AGBL1: variants seen among roughly 807,000 people sequenced by gnomAD.
AGBL1 encodes AGBL carboxypeptidase 1, also known as cytosolic carboxypeptidase 4.
In AGBL1, 130 loss-of-function variants were observed where a neutral mutation model predicts 118.9. The ratio of observed to expected loss-of-function variants is 1.09; its 90% CI spans 0.95 to 1.26. The LOEUF is 1.26. AGBL1 is among the 50% of genes most tolerant of loss of function. The pLI is 0.00. For synonymous variants in AGBL1, 555 were observed against 478.9 expected, an observed-to-expected ratio of 1.16 and a Z score of -2.08; for missense variants, 1,584 against 1,298.1, an observed-to-expected ratio of 1.22 and a Z score of -3.38.
At chr15:86,747,815 T>A (rs540922864) in intron 22 of AGBL1, among the ~76,000 whole-genome samples, 1 of 152,320 alleles carries the variant, frequency 6.6e-6, no homozygotes, top group South Asian at 2.1e-4. Context: ...AACTCATCAT[T>A]TTTTATGGCT....
At chr15:86,191,569 C>T (rs920427451) in intron 5 of AGBL1, among the ~76,000 whole-genome samples, 3 of 151,974 alleles carry the variant, frequency 2.0e-5, no homozygotes, top group African/African-American at 7.3e-5. Context: ...AGGGATGATG[C>T]TGTTATCAAG....
At chr15:86,083,674 C>T (rs1020651851) in intron 1 of AGBL1, 2 of 152,166 alleles carry the variant, frequency 1.3e-5, no homozygotes, top group African/African-American at 2.4e-5. Context: ...TGGACTTGAT[C>T]CTCCAGGGAT....
chr15:86,638,432 G>T (rs577755199), intron 21 of AGBL1, among the ~76,000 whole-genome samples: 1 of 152,146 alleles, frequency 6.6e-6, no homozygotes, highest in African/African-American at 2.4e-5. Context: ...TGGGTGCCGC[G>T]TTCAGGCTGC....
intron 18 of AGBL1, among the ~76,000 whole-genome samples, chr15:86,455,235 T>C (rs776971269): frequency 2.1e-4 from 32 of 152,260 alleles, no homozygotes; most frequent in Non-Finnish European, 4.0e-4. Flanking sequence ...GCCTGGTACA[T>C]AGGAGGCACA....
At chr15:86,609,341 G>A in intron 21 of AGBL1, among the ~76,000 whole-genome samples, 1 of 152,190 alleles carries the variant, frequency 6.6e-6, no homozygotes, top group East Asian at 1.9e-4. Flanking sequence ...CTAGGTTGCT[G>A]AGACTCAAAG....
At chr15:86,699,576 T>A (rs2086321204) in intron 22 of AGBL1, among the ~76,000 whole-genome samples, 2 of 110,222 alleles carry the variant, frequency 1.8e-5, no homozygotes, top group South Asian at 6.6e-4. Flanking sequence ...TTAAAAGATT[T>A]TAGTCAGTTA....
At chr15:86,993,986 C>T (rs954752640) in intron 24 of AGBL1, among the ~76,000 whole-genome samples, 1 of 152,028 alleles carries the variant, frequency 6.6e-6, no homozygotes, top group East Asian at 1.9e-4. Context: ...CTGCCAAACC[C>T]CAAAGTGACG....
At chr15:86,665,757 CAAAAT>C (rs2085633230) in intron 21 of AGBL1, among the ~76,000 whole-genome samples, 2 of 151,652 alleles carry the variant, frequency 1.3e-5, no homozygotes, top group African/African-American at 4.8e-5. Flanking sequence ...ACTCTTTAAT[CAAAAT>C]AAATTTTTTT....
chr15:86,720,010 G>A (rs189286742), intron 22 of AGBL1, among the ~76,000 whole-genome samples: 2 of 152,136 alleles, frequency 1.3e-5, no homozygotes, highest in South Asian at 2.1e-4. Context: ...TGCTTCAGGG[G>A]TTGACTCTGA....
intron 17 of AGBL1, among the ~76,000 whole-genome samples, chr15:86,341,678 C>G (rs1567207925): frequency 6.6e-6 from 1 of 152,116 alleles, no homozygotes; most frequent in Non-Finnish European, 1.5e-5. Flanking sequence ...CTACAAAGAT[C>G]TAGGCAATCC....
intron 16 of AGBL1, among the ~76,000 whole-genome samples, chr15:86,294,838 T>C (rs1350216688): frequency 6.6e-6 from 1 of 152,204 alleles, no homozygotes; most frequent in African/African-American, 2.4e-5. Context: ...CCAGCACTTT[T>C]AGGGTATCCA....
chr15:86,665,683 T>C (rs993415868), intron 21 of AGBL1, among the ~76,000 whole-genome samples: 1 of 152,126 alleles, frequency 6.6e-6, no homozygotes, highest in African/African-American at 2.4e-5. Context: ...CTTCTCCTGG[T>C]TTGGAGATGA....
At chr15:86,644,475 T>C (rs1186930455) in intron 21 of AGBL1, among the ~76,000 whole-genome samples, 5 of 152,206 alleles carry the variant, frequency 3.3e-5, no homozygotes, top group East Asian at 3.9e-4. Flanking sequence ...CCTGCTTCTA[T>C]TGAGTCACTA....
chr15:86,155,399 T>C (rs917933863), intron 4 of AGBL1, among the ~76,000 whole-genome samples: 7 of 152,086 alleles, frequency 4.6e-5, no homozygotes, highest in Admixed American at 3.9e-4. Flanking sequence ...GCAGTGAGCA[T>C]TGATTGTGAC....
chr15:86,247,531 C>T lies in AGBL1; in HGVS notation c.527-140C>T, dbSNP rs528240184. ...ACTTTGATCACTTGGTTTAAGGTGA[C>T]ATCTGCCAGTTTTCATACTAAAATG... On this transcript the variant is annotated intron_variant, in intron 6 of 22. Coordinates refer to ENST00000614907, the MANE Select transcript of AGBL1 (RefSeq NM_001386094.1). 3.6e-5 allele frequency: 33 copies of T among 928,490 alleles called. No individual in the cohort carries two copies. The South Asian group carries it at 4.3e-4, about 12-fold the overall frequency. The allele number at this position is 928,490 out of a possible 1,614,324, so 57.5% of individuals were successfully genotyped here. A position where few individuals can be genotyped will look rare whatever the true frequency, so the allele number is the denominator to read the frequency against.
At chr15:86,758,173 CT>C (rs1317527112) in intron 22 of AGBL1, among the ~76,000 whole-genome samples, 1 of 152,088 alleles carries the variant, frequency 6.6e-6, no homozygotes, top group Non-Finnish European at 1.5e-5. Flanking sequence ...GTGCCTTCCC[CT>C]GCCACATGTG....
At chr15:86,761,718 A>G (rs2078026744) in intron 22 of AGBL1, among the ~76,000 whole-genome samples, 1 of 151,984 alleles carries the variant, frequency 6.6e-6, no homozygotes, top group Admixed American at 6.6e-5. Context: ...TTCCTTGTAG[A>G]TTCTGGTTAT....
chr15:86,547,564 AAATTC>A (rs2083601203), intron 20 of AGBL1, among the ~76,000 whole-genome samples: 1 of 152,142 alleles, frequency 6.6e-6, no homozygotes, highest in East Asian at 1.9e-4. Context: ...TTTAATTAAT[AAATTC>A]AAAACACATT....
chr15:86,839,690 A>T (rs947522217), intron 22 of AGBL1, among the ~76,000 whole-genome samples: 2 of 152,130 alleles, frequency 1.3e-5, no homozygotes, highest in African/African-American at 4.8e-5. Context: ...AATATTGCCA[A>T]ACGTCTCCTG....
Sources: allele counts gnomAD v4.1 joint callset (sites outside exome capture counted in the v4.1 genomes callset), GRCh38; gene constraint gnomAD v4.1.1; transcripts MANE v1.5; gene names NCBI Gene and HGNC (gene_info 2026-07-23, HGNC 2026-07-21).